The following SNX29 variants were observed in gnomAD, a reference collection of about 807,000 sequenced individuals.
SNX29 encodes the protein sorting nexin 29.
In SNX29, 78 loss-of-function variants were observed where a neutral mutation model predicts 102.1. The observed-to-expected ratio is 0.76, with a 90% CI of 0.64 to 0.92. The LOEUF is 0.92. Ranked by LOEUF, SNX29 falls within the 40% of genes least tolerant of loss-of-function variation. The pLI is 0.00. For missense variants in SNX29, 1,280 were observed against 1,061.7 expected, an observed-to-expected ratio of 1.21 and a Z score of -2.86; for synonymous variants, 580 against 414.5, an observed-to-expected ratio of 1.40 and a Z score of -4.85.
intron 15 of SNX29, among the ~76,000 whole-genome samples, chr16:12,322,770 C>T (rs1036179341): frequency 2.7e-5 from 4 of 150,504 alleles, no homozygotes; most frequent in African/African-American, 9.7e-5. Flanking sequence ...GGACCACCGT[C>T]AGGATGCAGT....
At chr16:11,978,844 A>C (rs1216960129) in intron 1 of SNX29, among the ~76,000 whole-genome samples, 2 of 151,668 alleles carry the variant, frequency 1.3e-5, no homozygotes, top group East Asian at 3.9e-4. Context: ...AGAATCGCTT[A>C]AACCCCGGTG....
intron 20 of SNX29, among the ~76,000 whole-genome samples, chr16:12,542,710 A>G (rs541505762): frequency 6.6e-6 from 1 of 150,642 alleles, no homozygotes; most frequent in South Asian, 2.1e-4. Context: ...TGTTGGTCCC[A>G]GTCTTTTACT....
At chr16:12,500,586 C>G (rs188579836) in intron 19 of SNX29, among the ~76,000 whole-genome samples, 1 of 152,244 alleles carries the variant, frequency 6.6e-6, no homozygotes, top group East Asian at 1.9e-4. Flanking sequence ...TTGAGATGAA[C>G]AGTATCAAAT....
chr16:12,192,268 G>A (rs942976682), intron 13 of SNX29, among the ~76,000 whole-genome samples: 4 of 152,174 alleles, frequency 2.6e-5, no homozygotes, highest in African/African-American at 9.7e-5. Flanking sequence ...TAGCCAGCAG[G>A]CTTGTTTGGG....
chr16:11,983,609 T>C (rs2055479309), intron 1 of SNX29: 1 of 982,046 alleles, frequency 1.0e-6, no homozygotes, highest in African/African-American at 1.7e-5. Context: ...AAGTACATGT[T>C]CTACCATCAG....
intron 15 of SNX29, among the ~76,000 whole-genome samples, chr16:12,292,925 C>T (rs567592802): frequency 6.6e-6 from 1 of 152,172 alleles, no homozygotes; most frequent in East Asian, 1.9e-4. Flanking sequence ...TTGCTAACGT[C>T]CAGCTGAGGA....
intron 3 of SNX29, among the ~76,000 whole-genome samples, chr16:12,025,073 G>A (rs1193067481): frequency 2.6e-5 from 4 of 151,980 alleles, no homozygotes; most frequent in East Asian, 3.9e-4. Flanking sequence ...AGGCCAAGGC[G>A]GGCAGATCAC....
At chr16:12,392,888 G>A (rs2083580846) in intron 16 of SNX29, among the ~76,000 whole-genome samples, 1 of 152,196 alleles carries the variant, frequency 6.6e-6, no homozygotes, top group Non-Finnish European at 1.5e-5. Context: ...GGCGTGGATA[G>A]CCCAGGCTGA....
chr16:12,401,568 TG>T (rs2083944535), intron 17 of SNX29, among the ~76,000 whole-genome samples: 1 of 152,188 alleles, frequency 6.6e-6, no homozygotes, highest in East Asian at 1.9e-4. Flanking sequence ...TTCACCATCT[TG>T]GCCAGGCTGG....
intron 20 of SNX29, among the ~76,000 whole-genome samples, chr16:12,544,336 AAGTC>A (rs2077486100): frequency 6.6e-6 from 1 of 152,020 alleles, no homozygotes; most frequent in African/African-American, 2.4e-5. Context: ...GAGGCAGGAA[AAGTC>A]AGTACTGTTG....
intron 11 of SNX29, among the ~76,000 whole-genome samples, chr16:12,088,428 A>T (rs2052324655): frequency 6.6e-6 from 1 of 152,062 alleles, no homozygotes; most frequent in Admixed American, 6.6e-5. Context: ...ACTTGTTCTT[A>T]TACTTAGAAA....
intron 15 of SNX29, among the ~76,000 whole-genome samples, chr16:12,299,780 T>A (rs1363782290): frequency 5.7e-5 from 4 of 70,790 alleles, no homozygotes; most frequent in Admixed American, 1.6e-4. Context: ...AAATTTCGAA[T>A]TTTTTTTTTT....
At chr16:12,387,488 C>G (rs913109520) in intron 16 of SNX29, among the ~76,000 whole-genome samples, 23 of 152,050 alleles carry the variant, frequency 1.5e-4, no homozygotes, top group African/African-American at 5.6e-4. Flanking sequence ...GCTACACTCC[C>G]CTTGCCATTT....
intron 15 of SNX29, among the ~76,000 whole-genome samples, chr16:12,308,901 C>CCT (rs1448141981): frequency 1.3e-5 from 2 of 152,144 alleles, no homozygotes; most frequent in Non-Finnish European, 2.9e-5. Flanking sequence ...GACTCTTAAG[C>CCT]CTGTTGCATG....
At chr16:12,551,288 C>T (rs2077960974) in intron 20 of SNX29, among the ~76,000 whole-genome samples, 1 of 152,094 alleles carries the variant, frequency 6.6e-6, no homozygotes, top group Non-Finnish European at 1.5e-5. Context: ...AATGTTTAAC[C>T]AGTTTGTCAG....
At chr16:12,019,098 T>TC (rs2056937889) in intron 3 of SNX29, among the ~76,000 whole-genome samples, 1 of 152,240 alleles carries the variant, frequency 6.6e-6, no homozygotes, top group Non-Finnish European at 1.5e-5. Flanking sequence ...TATCTGTAGT[T>TC]CAAGGCAATA....
intron 15 of SNX29, among the ~76,000 whole-genome samples, chr16:12,317,980 A>G (rs2080806982): frequency 6.6e-6 from 1 of 152,244 alleles, no homozygotes; most frequent in Non-Finnish European, 1.5e-5. Flanking sequence ...GGGAGTGGTA[A>G]TAACAGCCTT....
At chr16:12,332,886 C>G (rs905997675) in intron 15 of SNX29, among the ~76,000 whole-genome samples, 4 of 152,082 alleles carry the variant, frequency 2.6e-5, no homozygotes, top group African/African-American at 9.7e-5. Flanking sequence ...CTTCAAGCCT[C>G]ACCTCCAAGC....
chr16:12,340,605 G>C (rs1427834382), intron 15 of SNX29, among the ~76,000 whole-genome samples: 1 of 152,204 alleles, frequency 6.6e-6, no homozygotes, highest in Non-Finnish European at 1.5e-5. Flanking sequence ...CTTGGGGGCA[G>C]TGTGAGGTTA....
Sources: gnomAD v4.1 joint callset for allele counts (sites outside exome capture counted in the v4.1 genomes callset) on GRCh38, gnomAD v4.1.1 for gene constraint, MANE v1.5 for transcripts, NCBI Gene and HGNC (gene_info 2026-07-23, HGNC 2026-07-21) for gene names.